Variants in SCAF11 observed in about 807,000 individuals in gnomAD.
The protein encoded by SCAF11 is protein SCAF11.
A neutral mutation model predicts 140.5 loss-of-function variants in SCAF11; 47 were observed. The observed-to-expected ratio is 0.33, with a 90% CI of 0.26 to 0.43. The LOEUF (loss-of-function observed/expected upper bound fraction) is 0.43, where lower values mean the gene tolerates loss of function less well. Ranked by LOEUF, SCAF11 falls within the 20% of genes least tolerant of loss-of-function variation. The pLI is 1.00. For synonymous variants in SCAF11, 557 were observed against 579.4 expected (o/e 0.96, Z 0.55); for missense variants, 1,645 against 1,705.1 (o/e 0.96, Z 0.62).
At chr12:45,953,745 T>C in intron 3 of SCAF11, 1 of 349,456 alleles carries the variant, frequency 2.9e-6, no homozygotes, top group Non-Finnish European at 5.4e-6. Flanking sequence ...GCTACTTTCG[T>C]ATCTTTTTAA....
rs184408582 is a variant in SCAF11, at chr12:45,939,567, G to A, written c.464-5062C>T. Among the ~76,000 whole-genome samples, 19 of 152,168 alleles carry A rather than the reference G, an allele frequency of 1.2e-4. No homozygotes were observed. The South Asian group carries it at 2.9e-3, about 23-fold the overall frequency. On this transcript the variant is annotated intron_variant, in intron 6 of 14. Coordinates refer to ENST00000369367, the MANE Select transcript of SCAF11 (RefSeq NM_004719.3). The stretch of plus-strand genomic sequence containing the variant: ...TACAAAAGTAGCTGGGCATGGTGGC[G>A]CATGCCTGTAATCCCAGCTACTTGG...
intron 1 of SCAF11, among the ~76,000 whole-genome samples, chr12:45,971,588 C>G (rs1946074275): frequency 6.6e-6 from 1 of 152,024 alleles, no homozygotes; most frequent in South Asian, 2.1e-4. Context: ...CTGGTAACAA[C>G]AGAGAGCAAG....
intron 4 of SCAF11, among the ~76,000 whole-genome samples, chr12:45,950,989 C>G (rs936538097): frequency 1.3e-5 from 2 of 152,194 alleles, no homozygotes; most frequent in South Asian, 4.1e-4. Context: ...TTCTCATATA[C>G]TTAACTACTA....
At chr12:45,969,789 C>T (rs370289169) in intron 1 of SCAF11, among the ~76,000 whole-genome samples, 2 of 151,954 alleles carry the variant, frequency 1.3e-5, no homozygotes, top group Admixed American at 6.6e-5. Flanking sequence ...CAGGCTGGAG[C>T]GTGGTGGCAC....
Position 45,919,742 on chromosome 12 carries a change from C to T in SCAF11, c.*2306G>A, listed in dbSNP as rs770545539. 4 of 152,228 alleles carry T rather than the reference C, an allele frequency of 2.6e-5. No homozygotes were observed. The highest frequency in any genetic ancestry group is 6.5e-5 in the Admixed American group (1 of 15,294). The allele number at this position is 152,228 out of a possible 1,614,324, so 9.4% of individuals were successfully genotyped here. On this transcript the variant is annotated 3_prime_UTR_variant, in exon 15 of 15. Coordinates refer to ENST00000369367, the MANE Select transcript of SCAF11 (RefSeq NM_004719.3). Reference sequence around the variant, plus strand: ...AGTGCCCCAAATCAGACATGGAACACACACTTGTTACTGTCACGGAAATAA... The same window carrying T: ...AGTGCCCCAAATCAGACATGGAACATACACTTGTTACTGTCACGGAAATAA...
intron 1 of SCAF11, among the ~76,000 whole-genome samples, chr12:45,990,002 C>A (rs1946555463): frequency 6.6e-6 from 1 of 151,898 alleles, no homozygotes. Flanking sequence ...ACCCTGCACC[C>A]GGACGGGGAC....
At chr12:45,985,244 C>A (rs1946436949) in intron 1 of SCAF11, among the ~76,000 whole-genome samples, 1 of 152,188 alleles carries the variant, frequency 6.6e-6, no homozygotes, top group African/African-American at 2.4e-5. Context: ...ACTCCCTTCT[C>A]ACCAGGAGAA....
At position 45,951,709 on chromosome 12, in the gene SCAF11, T is replaced by C. The variant is rs745473685; in HGVS notation, c.238A>G (p.Ile80Val). 6.3e-6 allele frequency: 10 copies of C among 1,590,146 alleles called. No homozygotes were observed. The highest frequency in any genetic ancestry group is 1.7e-4 in the Middle Eastern group (1 of 5,774). The change falls in exon 4 of 15, where the codon ATT (isoleucine) becomes GTT (valine). Residue 80 changes from isoleucine to valine, a missense_variant. This residue lies in a region of SCAF11 where 1,582 missense variants were observed against 1,609.2 expected (regional missense o/e 0.98). Transcript: ENST00000369367. ...ACTGCCTGAAAAGGTTTACGGTCAA[T>C]AGGACATGAAGCCAGTGTCTGAAAA... ...KWAETLASCP[I>V]DRKPFQAVFK...
At chr12:45,990,707 C>CA, upstream of SCAF11, 1 of 703,826 alleles carries the variant, frequency 1.4e-6, no homozygotes, top group Non-Finnish European at 1.9e-6. Flanking sequence ...TCTGCTTACT[C>CA]GCTCGCTCTG....
At chr12:45,935,142 C>G (rs904895435) in intron 6 of SCAF11, 5 of 152,226 alleles carry the variant, frequency 3.3e-5, no homozygotes, top group African/African-American at 1.2e-4. Context: ...AATTTTCCCC[C>G]TTGCTTGCCT....
At chr12:45,986,229 C>A (rs1219130570) in intron 1 of SCAF11, among the ~76,000 whole-genome samples, 1 of 152,172 alleles carries the variant, frequency 6.6e-6, no homozygotes, top group Non-Finnish European at 1.5e-5. Flanking sequence ...TAATTGCTTA[C>A]AGGAACTTCT....
In SCAF11 at chr12:45,987,142, C is replaced by T. The variant is rs950377365; in HGVS notation, c.-22+3211G>A. 1.2e-4 allele frequency among the ~76,000 whole-genome samples: 19 copies of T among 152,164 alleles called. 1 individual carries two copies. Among genetic ancestry groups the T allele is most frequent in the Non-Finnish European group, 4.4e-5 (3 of 68,016 alleles). Reference sequence around the variant, plus strand: ...TTGGGAGGCCAAGGCGGGATGATTACTTAGCCCAGGAATTTGAGACCAGCC... The same window carrying T: ...TTGGGAGGCCAAGGCGGGATGATTATTTAGCCCAGGAATTTGAGACCAGCC... On this transcript the variant is annotated intron_variant, in intron 1 of 14. Coordinates refer to ENST00000369367, the MANE Select transcript of SCAF11 (RefSeq NM_004719.3).
chr12:45,941,085 T>G (rs1468026757), intron 6 of SCAF11, among the ~76,000 whole-genome samples: 2 of 152,198 alleles, frequency 1.3e-5, no homozygotes, highest in Non-Finnish European at 2.9e-5. Context: ...AAATGACAAC[T>G]GGAAGAAACC....
At chr12:45,986,922 C>T (rs1946472081) in intron 1 of SCAF11, among the ~76,000 whole-genome samples, 1 of 152,182 alleles carries the variant, frequency 6.6e-6, no homozygotes, top group Admixed American at 6.5e-5. Context: ...AATTATACCT[C>T]TTTTTCTTCC....
chr12:45,933,450 T>C (rs557225356), intron 8 of SCAF11, among the ~76,000 whole-genome samples: 1 of 152,296 alleles, frequency 6.6e-6, no homozygotes, highest in East Asian at 1.9e-4. Flanking sequence ...TTTATATGAT[T>C]GTTAAAAATA....
At chr12:45,972,965 T>G (rs934740176) in intron 1 of SCAF11, among the ~76,000 whole-genome samples, 24 of 121,090 alleles carry the variant, frequency 2.0e-4, no homozygotes, top group African/African-American at 5.0e-4. Flanking sequence ...TATAGATATA[T>G]ATATAGATAT....
chr12:45,951,835 G>A (rs2136578688), intron 3 of SCAF11, 108 bp from the exon 4 acceptor site: 2 of 682,016 alleles, frequency 2.9e-6, no homozygotes, highest in South Asian at 2.5e-5. Context: ...ATCTTCGAAA[G>A]AAAAAAATAT....
At chr12:45,984,526 G>T (rs1159243402) in intron 1 of SCAF11, among the ~76,000 whole-genome samples, 1 of 152,056 alleles carries the variant, frequency 6.6e-6, no homozygotes, top group African/African-American at 2.4e-5. Context: ...AGTTACTTTT[G>T]TCCCATTGGT....
At chr12:45,989,918 GAC>G (rs943345734) in intron 1 of SCAF11, among the ~76,000 whole-genome samples, 8 of 152,190 alleles carry the variant, frequency 5.3e-5, no homozygotes, top group African/African-American at 1.4e-4. Context: ...AGCTCAGCAG[GAC>G]ACGTTTCCAC....
Sources: allele counts gnomAD v4.1 joint callset (sites outside exome capture counted in the v4.1 genomes callset), GRCh38; gene constraint gnomAD v4.1.1; regional missense constraint gnomAD v4.1.1; transcripts MANE v1.5; gene names NCBI Gene and HGNC (gene_info 2026-07-23, HGNC 2026-07-21).